DIP2B: variants seen among roughly 807,000 people sequenced by gnomAD.
The protein encoded by DIP2B is DIP2 acetate--CoA ligase B (putative), also known as disco-interacting protein 2 homolog B.
Under a neutral mutation model 198.0 loss-of-function variants are expected in DIP2B, and 76 were observed. That is an observed-to-expected ratio of 0.38 (90% CI 0.32 to 0.46). The LOEUF is 0.46. Ranked by LOEUF, DIP2B falls within the 20% of genes least tolerant of loss-of-function variation. The probability of loss-of-function intolerance (pLI) is 0.99; values close to 1 mark genes in which losing one functional copy is unlikely to be tolerated. For synonymous variants in DIP2B, 701 were observed against 739.1 expected (o/e 0.95, Z 0.84); for missense variants, 1,559 against 1,978.4 (o/e 0.79, Z 4.02).
chr12:50,694,550 T>TACAC (rs1386051605), intron 14 of DIP2B, among the ~76,000 whole-genome samples: 1 of 135,926 alleles, frequency 7.4e-6, no homozygotes, highest in African/African-American at 2.8e-5. Context: ...CATACATACA[T>TACAC]ACATACATAC....
intron 1 of DIP2B, among the ~76,000 whole-genome samples, chr12:50,590,434 A>G (rs2139428815): frequency 6.6e-6 from 1 of 151,348 alleles, no homozygotes; most frequent in African/African-American, 2.4e-5. Context: ...CAGTGGCGTG[A>G]TCTCAGCTCA....
chr12:50,732,677 G>A (rs1592147069), intron 32 of DIP2B, 141 bp downstream of exon 32: 7 of 1,044,812 alleles, frequency 6.7e-6, no homozygotes, highest in Non-Finnish European at 8.3e-6. Context: ...TTTAAATCTC[G>A]ATTTCTTTGT....
At chr12:50,575,840 C>T (rs1958655174) in intron 1 of DIP2B, among the ~76,000 whole-genome samples, 1 of 152,074 alleles carries the variant, frequency 6.6e-6, no homozygotes, top group East Asian at 1.9e-4. Context: ...TCACTGCAGC[C>T]TCTGCCCACC....
At chr12:50,600,199 A>G (rs928062752) in intron 1 of DIP2B, among the ~76,000 whole-genome samples, 1 of 152,230 alleles carries the variant, frequency 6.6e-6, no homozygotes, top group Non-Finnish European at 1.5e-5. Context: ...CAGTCTTTAT[A>G]GATAAAATCA....
In DIP2B at chr12:50,673,589, C is replaced by A. The variant is rs186949090; in HGVS notation, c.641-885C>A. Among the ~76,000 whole-genome samples, 34 of 152,206 alleles carry A rather than the reference C, an allele frequency of 2.2e-4. No individual in the cohort carries two copies. The East Asian group carries it at 6.2e-3, about 28-fold the overall frequency. On this transcript the variant is annotated intron_variant, in intron 5 of 37. Transcript: ENST00000301180. ...ATTGCTTGAGCCCAGGAGTTCGAGACCAGCCTGGGCAGCATGGCAAGACTC... is the reference window on the plus strand; with the variant it reads ...ATTGCTTGAGCCCAGGAGTTCGAGAACAGCCTGGGCAGCATGGCAAGACTC...
intron 1 of DIP2B, among the ~76,000 whole-genome samples, chr12:50,561,327 T>A (rs1277188031): frequency 6.6e-6 from 1 of 152,196 alleles, no homozygotes; most frequent in Non-Finnish European, 1.5e-5. Context: ...ATTTCCAGAG[T>A]TATTAAAAGG....
At chr12:50,626,388 A>C (rs570396757) in intron 2 of DIP2B, among the ~76,000 whole-genome samples, 9 of 152,214 alleles carry the variant, frequency 5.9e-5, no homozygotes, top group Non-Finnish European at 8.8e-5. Flanking sequence ...GATGAAGAAG[A>C]GCAAGAGGGA....
In DIP2B at chr12:50,690,147, T is replaced by C. The variant is rs982111200; in HGVS notation, c.1552-902T>C. 7.3e-5 allele frequency among the ~76,000 whole-genome samples: 11 copies of C among 151,198 alleles called. No individual in the cohort carries two copies. The South Asian group carries it at 1.5e-3, about 20-fold the overall frequency. The stretch of plus-strand genomic sequence containing the variant: ...TGTTGCCCAGGCTGGAGTGCAGTGG[T>C]GTGATCTCGGCTCACTGCAAGCTCT... On this transcript the variant is annotated intron_variant, in intron 12 of 37. Coordinates refer to ENST00000301180, the MANE Select transcript of DIP2B (RefSeq NM_173602.3).
At chr12:50,665,446 T>C (rs1938733413) in intron 4 of DIP2B, among the ~76,000 whole-genome samples, 1 of 152,200 alleles carries the variant, frequency 6.6e-6, no homozygotes, top group Non-Finnish European at 1.5e-5. Flanking sequence ...CATGTTTATT[T>C]AGAAAATTCT....
chr12:50,666,429 T>G (rs979243433), intron 4 of DIP2B, among the ~76,000 whole-genome samples: 1 of 152,146 alleles, frequency 6.6e-6, no homozygotes, highest in African/African-American at 2.4e-5. Flanking sequence ...GAAAATTATC[T>G]CCTAGAAAGA....
chr12:50,514,122 A>G (rs1259931894), intron 1 of DIP2B, among the ~76,000 whole-genome samples: 1 of 145,298 alleles, frequency 6.9e-6, no homozygotes, highest in Non-Finnish European at 1.5e-5. Flanking sequence ...CTGGAGTGCA[A>G]TGGCATGATC....
intron 3 of DIP2B, among the ~76,000 whole-genome samples, chr12:50,657,795 T>A (rs1365759647): frequency 6.6e-6 from 1 of 152,100 alleles, no homozygotes; most frequent in Non-Finnish European, 1.5e-5. Flanking sequence ...AAAGTAAGGC[T>A]GAGAAACAGT....
chr12:50,511,285 A>C (rs567691426), intron 1 of DIP2B, among the ~76,000 whole-genome samples: 1 of 30,448 alleles, frequency 3.3e-5, no homozygotes, highest in Non-Finnish European at 6.9e-5. Context: ...GACCAGTGTG[A>C]TTTCTATTTT....
intron 1 of DIP2B, among the ~76,000 whole-genome samples, chr12:50,538,198 T>A (rs1958287196): frequency 6.6e-6 from 1 of 152,082 alleles, no homozygotes; most frequent in Non-Finnish European, 1.5e-5. Context: ...AGGGCAGGGC[T>A]GCTGTTCTCT....
chr12:50,732,686 G>T, intron 32 of DIP2B, 150 bp downstream of exon 32: 1 of 1,008,582 alleles, frequency 9.9e-7, no homozygotes, highest in Non-Finnish European at 1.4e-6. Flanking sequence ...CGATTTCTTT[G>T]TGTCTCATTT....
At chr12:50,590,958 G>A (rs754135447) in intron 1 of DIP2B, among the ~76,000 whole-genome samples, 7 of 152,162 alleles carry the variant, frequency 4.6e-5, no homozygotes, top group Non-Finnish European at 8.8e-5. Context: ...AGAGGTGAAT[G>A]GACCATGAGG....
At chr12:50,570,163 G>A (rs1251804088) in intron 1 of DIP2B, among the ~76,000 whole-genome samples, 2 of 152,216 alleles carry the variant, frequency 1.3e-5, no homozygotes, top group South Asian at 2.1e-4. Context: ...GAAGTTCTCC[G>A]ATTTTTCCTT....
intron 1 of DIP2B, among the ~76,000 whole-genome samples, chr12:50,575,350 G>A (rs1207304624): frequency 2.0e-5 from 3 of 151,886 alleles, no homozygotes; most frequent in Admixed American, 6.6e-5. Flanking sequence ...GAAAGGGAAA[G>A]CTGGGGGTCA....
Position 50,718,936 on chromosome 12 carries a change from T to C in DIP2B, c.2962-19T>C, listed in dbSNP as rs1364543931. On this transcript the variant is annotated intron_variant, in intron 24 of 37. Coordinates refer to ENST00000301180, the MANE Select transcript of DIP2B (RefSeq NM_173602.3). ...ATAAGTTGCTGACCCTGAGTCCTTT[T>C]TCTGGTTTATGACTTCAGCACCAGT... 1 of 1,614,026 alleles carries C rather than the reference T, an allele frequency of 6.2e-7. No individual in the cohort carries two copies. The highest frequency in any genetic ancestry group is 8.5e-7 in the Non-Finnish European group (1 of 1,180,020).
Sources: allele counts gnomAD v4.1 joint callset (sites outside exome capture counted in the v4.1 genomes callset), GRCh38; gene constraint gnomAD v4.1.1; transcripts MANE v1.5; gene names NCBI Gene and HGNC (gene_info 2026-07-23, HGNC 2026-07-21).